The following PRIM1 variants were observed in gnomAD, a reference collection of about 807,000 sequenced individuals.
The protein encoded by PRIM1 is DNA primase small subunit.
In PRIM1, 38 loss-of-function variants were observed where a neutral mutation model predicts 60.2. The ratio of observed to expected loss-of-function variants is 0.63; its 90% CI spans 0.49 to 0.83. The LOEUF is 0.83. PRIM1 is among the 40% of genes least tolerant of loss of function. The probability of loss-of-function intolerance (pLI) is 0.00; values close to 1 mark genes in which losing one functional copy is unlikely to be tolerated. For missense variants in PRIM1, 388 were observed against 506.2 expected (o/e 0.77, Z 2.24); for synonymous variants, 158 against 160.2 (o/e 0.99, Z 0.10).
chr12:56,751,145 C>A lies in PRIM1; in HGVS notation c.154G>T (p.Asp52Tyr). 1.3e-6 allele frequency: 2 copies of A among 1,572,416 alleles called. No individual in the cohort carries two copies. The highest frequency in any genetic ancestry group is 1.7e-6 in the Non-Finnish European group (2 of 1,157,442). Residue 52 changes from aspartate to tyrosine, a missense_variant, in exon 2 of 13, where the codon GAT becomes TAT. Physicochemically the swap from Asp to Tyr is radical, Grantham distance 160. This residue lies in a region of PRIM1 where 156 missense variants were observed against 175.8 expected (regional missense o/e 0.89). Transcript: ENST00000338193. ...AAGGATTGGTAGCGAATGTAAATAT[C>A]ATCTTTCAATGTGAATGAAAATTCA... Reference protein sequence around the residue: ...HREFSFTLKDDIYIRYQSFNN... With the variant: ...HREFSFTLKDYIYIRYQSFNN...
chr12:56,737,256 T>A (rs1450185809), intron 11 of PRIM1, among the ~76,000 whole-genome samples: 1 of 151,792 alleles, frequency 6.6e-6, no homozygotes, highest in East Asian at 1.9e-4. Context: ...CCCCAACTCC[T>A]CCCCCTCTCT....
At chr12:56,733,283 T>C (rs551976463) in intron 12 of PRIM1, among the ~76,000 whole-genome samples, 4 of 150,030 alleles carry the variant, frequency 2.7e-5, no homozygotes, top group Non-Finnish European at 5.9e-5. Flanking sequence ...TCAGCCTCCC[T>C]AGTAGCTGGG....
At position 56,741,391 on chromosome 12, in the gene PRIM1, A is replaced by G. The variant is rs372314613; in HGVS notation, c.982+44T>C. Reference sequence around the variant, plus strand: ...TGCCATGCTTACTAAAGCCAATAGCAACTCATTTTTCTTTTAGTTTTCCTT... The same window carrying G: ...TGCCATGCTTACTAAAGCCAATAGCGACTCATTTTTCTTTTAGTTTTCCTT... On this transcript the variant is annotated intron_variant, in intron 9 of 12. Transcript: ENST00000338193. 12 of 1,571,628 alleles carry G rather than the reference A, an allele frequency of 7.6e-6. No homozygotes were observed. In the African/African-American group the frequency reaches 9.5e-5, roughly 12 times the overall value.
chr12:56,751,293 G>T (rs1953955237), intron 1 of PRIM1, 98 bp from the exon 2 acceptor site: 1 of 875,028 alleles, frequency 1.1e-6, no homozygotes, highest in Non-Finnish European at 1.6e-6. Context: ...TTCGGTGAGG[G>T]AATCTTGCTT....
intron 2 of PRIM1, among the ~76,000 whole-genome samples, chr12:56,748,719 G>A (rs1953925654): frequency 6.6e-6 from 1 of 151,912 alleles, no homozygotes; most frequent in Non-Finnish European, 1.5e-5. Flanking sequence ...ATTTTGGGAG[G>A]CCAAGGCGGG....
Position 56,751,030 on chromosome 12 carries a change from T to C in PRIM1, c.261+8A>G. ...AACAACAAAATATATTAAAAAAAGA[T>C]TTCTTACTCTGTGAGAATATACTGC... On this transcript the variant is annotated splice_region_variant and intron_variant, in intron 2 of 12. Transcript: ENST00000338193. The C allele has an allele frequency of 2.8e-6, 4 of 1,426,596 alleles. No homozygotes were observed. The highest frequency in any genetic ancestry group is 3.7e-6 in the Non-Finnish European group (4 of 1,078,956). 88.4% of individuals were successfully genotyped at this position (1,426,596 alleles called of 1,614,324 possible).
rs761172176 is a variant in PRIM1 at position 56,744,043 on chromosome 12, C to T, written c.638+22G>A. On this transcript the variant is annotated intron_variant, in intron 6 of 12. Transcript: ENST00000338193. The stretch of plus-strand genomic sequence containing the variant: ...CCGGTAAATCAGACACCTTAAAGTG[C>T]TTGGAGACTTTTCCAACAGACCTGA... 2.6e-5 allele frequency: 40 copies of T among 1,531,354 alleles called. No homozygotes were observed. In the African/African-American group the frequency reaches 5.5e-4, roughly 21 times the overall value. 94.9% of individuals were successfully genotyped at this position (1,531,354 alleles called of 1,614,324 possible).
At chr12:56,744,578 G>C (rs183646668) in intron 5 of PRIM1, among the ~76,000 whole-genome samples, 78 of 151,924 alleles carry the variant, frequency 5.1e-4, no homozygotes, top group African/African-American at 1.9e-3. Flanking sequence ...GGTATGTTTA[G>C]CTACATCAGT....
chr12:56,751,963 TC>T (rs1953969083), intron 1 of PRIM1: 1 of 217,264 alleles, frequency 4.6e-6, no homozygotes, highest in Non-Finnish European at 8.4e-6. Context: ...GAGCGGCGGC[TC>T]TGTTTTTTTT....
chr12:56,750,346 T>C (rs1953937284), intron 2 of PRIM1, among the ~76,000 whole-genome samples: 1 of 152,280 alleles, frequency 6.6e-6, no homozygotes, highest in African/African-American at 2.4e-5. Flanking sequence ...GATACACTTA[T>C]GGTAGAGCCA....
At chr12:56,734,777 T>TA (rs1488263940) in intron 11 of PRIM1, among the ~76,000 whole-genome samples, 4,744 of 134,686 alleles carry the variant, frequency 0.035, 292 homozygotes, top group African/African-American at 0.13. Flanking sequence ...GTCTTTTATA[T>TA]TTATATATAT....
intron 11 of PRIM1, among the ~76,000 whole-genome samples, chr12:56,735,985 A>T (rs1234777186): frequency 6.6e-6 from 1 of 151,922 alleles, no homozygotes; most frequent in African/African-American, 2.4e-5. Flanking sequence ...AAAATAGTTT[A>T]AAAAATGTAT....
intron 6 of PRIM1, 115 bp from the exon 7 acceptor site, chr12:56,743,211 C>T: frequency 1.6e-6 from 2 of 1,229,530 alleles, no homozygotes; most frequent in Non-Finnish European, 2.1e-6. Context: ...ATTTTCAGAA[C>T]TTAACTAGGT....
In PRIM1 at chr12:56,743,010, T is replaced by C; in HGVS notation, c.725A>G (p.Lys242Arg). The C allele has an allele frequency of 1.3e-6, 2 of 1,546,618 alleles. No homozygotes were observed. Among genetic ancestry groups the C allele is most frequent in the South Asian group, 2.5e-5 (2 of 80,398 alleles). ...DILENKESWD[K>R]ILALVPETIH... The stretch of plus-strand genomic sequence containing the variant: ...ATTTTCAGGAACAAGGGCTAAAATC[T>C]TATCCCAGCTTTCTTTATTTTCGAG... Residue 242 changes from lysine to arginine, a missense_variant, in exon 7 of 13, where the codon AAG (lysine) becomes AGG (arginine). Physicochemically the swap from Lys to Arg is conservative, Grantham distance 26. Coordinates refer to ENST00000338193, the MANE Select transcript of PRIM1 (RefSeq NM_000946.3).
In PRIM1 at chr12:56,736,299, A is replaced by AAAAAAAC. The variant is rs1953829723; in HGVS notation, c.1145-2055_1145-2054insGTTTTTT. On this transcript the variant is annotated intron_variant, in intron 11 of 12. Transcript: ENST00000338193. ...GGTGACAGAGTAAGACTCTTTCTCTAAAAAAAAAAAAAAAAAAAAAAAAAA... is the reference window on the plus strand; with the variant it reads ...GGTGACAGAGTAAGACTCTTTCTCTAAAAAAACAAAAAAAAAAAAAAAAAAAAAAAAA... Among the ~76,000 whole-genome samples the AAAAAAAC allele has an allele frequency of 2.7e-4, 8 of 29,688 alleles. No individual in the cohort carries two copies. In the South Asian group the frequency reaches 8.5e-3, roughly 32 times the overall value. 19.5% of individuals were successfully genotyped at this position (29,688 alleles called of 152,430 possible). A position where few individuals can be genotyped will look rare whatever the true frequency, so the allele number is the denominator to read the frequency against.
chr12:56,742,918 T>A, intron 7 of PRIM1, 69 bp downstream of exon 7: 1 of 1,130,334 alleles, frequency 8.8e-7, no homozygotes, highest in Admixed American at 3.4e-5. Context: ...CAAGCAGACA[T>A]GTCTAACATT....
At chr12:56,734,116 C>G in intron 12 of PRIM1, 31 bp downstream of exon 12, 1 of 1,453,232 alleles carries the variant, frequency 6.9e-7, no homozygotes, top group Non-Finnish European at 9.5e-7. Context: ...TAAGATCTAA[C>G]TAGATAGAAG....
Position 56,746,090 on chromosome 12 carries a change from A to C in PRIM1, c.534T>G (p.Ser178=). Residue 178 remains serine (S), a synonymous_variant, in exon 5 of 13, where the codon TCT becomes TCG. Coordinates refer to ENST00000338193, the MANE Select transcript of PRIM1 (RefSeq NM_000946.3). ...CAACTATCCCAGAACGTACTGCAGA[A>C]GACAGTTTTCTAACTGATTCATCAC... ...WVCDESVRKL[S]SAVRSGIVEY... is the part of the protein sequence containing the mutation. 1 of 1,613,692 alleles carries C rather than the reference A, an allele frequency of 6.2e-7. No individual in the cohort carries two copies. The highest frequency in any genetic ancestry group is 8.5e-7 in the Non-Finnish European group (1 of 1,179,744).
intron 9 of PRIM1, among the ~76,000 whole-genome samples, chr12:56,740,788 TAGG>T (rs1443036136): frequency 3.9e-5 from 6 of 152,092 alleles, no homozygotes; most frequent in Non-Finnish European, 7.4e-5. Flanking sequence ...TTGTCAGTGC[TAGG>T]AGTAGAGTTC....
Sources: gnomAD v4.1 joint callset for allele counts (sites outside exome capture counted in the v4.1 genomes callset) on GRCh38, gnomAD v4.1.1 for gene constraint, gnomAD v4.1.1 regional missense constraint, MANE v1.5 for transcripts, NCBI Gene and HGNC (gene_info 2026-07-23, HGNC 2026-07-21) for gene names.